Variants in NLGN4X observed in about 807,000 individuals in gnomAD.
The protein encoded by NLGN4X is neuroligin 4 X-linked.
In NLGN4X, 3 loss-of-function variants were observed where a neutral mutation model predicts 40.3. The observed-to-expected ratio is 0.07, with a 90% CI of 0.03 to 0.19. The LOEUF (loss-of-function observed/expected upper bound fraction) is 0.19, where lower values mean the gene tolerates loss of function less well. NLGN4X is among the 10% of genes least tolerant of loss of function. The pLI is 1.00. For missense variants in NLGN4X, 382 were observed against 708.3 expected (o/e 0.54, Z 5.23); for synonymous variants, 270 against 306.8 (o/e 0.88, Z 1.25).
chrX:6,183,100 AATC>A (rs972595310), intron 1 of NLGN4X, among the ~76,000 whole-genome samples: 1 of 112,215 alleles, frequency 8.9e-6, no homozygotes, highest in African/African-American at 3.2e-5. Flanking sequence ...ATCAGAAAGA[AATC>A]AATTGAAACG....
intron 2 of NLGN4X, among the ~76,000 whole-genome samples, chrX:6,080,327 T>A (rs1156333880): frequency 1.8e-5 from 2 of 111,590 alleles, no homozygotes; most frequent in Non-Finnish European, 3.8e-5. Flanking sequence ...AAGTGAACAG[T>A]CCTGACATTC....
At chrX:5,939,894 G>C (rs925815295) in intron 3 of NLGN4X, among the ~76,000 whole-genome samples, 1 of 111,771 alleles carries the variant, frequency 8.9e-6, no homozygotes, top group African/African-American at 3.2e-5. Context: ...TTTCTGCGTA[G>C]ATGTTAATTT....
intron 5 of NLGN4X, among the ~76,000 whole-genome samples, chrX:5,894,059 G>GCT (rs1251169709): frequency 8.9e-6 from 1 of 112,007 alleles, no homozygotes; most frequent in Admixed American, 9.4e-5. Flanking sequence ...GGACTGATTT[G>GCT]CTCCAAAGGG....
Position 5,890,809 on chromosome X carries a change from G to A in NLGN4X, c.*2008C>T, listed in dbSNP as rs1032331677. 3.3e-6 allele frequency: 1 copy of A among 303,926 alleles called. No homozygotes were observed. Among genetic ancestry groups the A allele is most frequent in the South Asian group, 3.1e-5 (1 of 32,563 alleles). 25.0% of individuals were successfully genotyped at this position (303,926 alleles called of 1,213,427 possible). ...CCAAGATAAGCAATAGGATTTGGGG[G>A]TGACTTGTACGCATTTCTAAAAACA... On this transcript the variant is annotated 3_prime_UTR_variant, in exon 6 of 6. Transcript: ENST00000381095.
intron 2 of NLGN4X, among the ~76,000 whole-genome samples, chrX:6,140,707 A>T (rs1353883223): frequency 9.3e-6 from 1 of 107,629 alleles, no homozygotes; most frequent in African/African-American, 3.4e-5. Context: ...CCCCTCAAGT[A>T]GCTGGGACTA....
chrX:6,088,307 T>C (rs971189008), intron 2 of NLGN4X, among the ~76,000 whole-genome samples: 2 of 112,243 alleles, frequency 1.8e-5, no homozygotes, highest in African/African-American at 6.5e-5. Flanking sequence ...GAAGCCATTT[T>C]TCATGGTCCA....
chrX:6,149,096 T>C (rs967597085), intron 2 of NLGN4X, among the ~76,000 whole-genome samples: 7 of 112,427 alleles, frequency 6.2e-5, no homozygotes, highest in Non-Finnish European at 1.3e-4. Context: ...GAAGTTTGGA[T>C]TACTTTTTCA....
intron 2 of NLGN4X, among the ~76,000 whole-genome samples, chrX:6,121,655 A>C (rs981130417): frequency 7.1e-5 from 8 of 112,425 alleles, no homozygotes. Context: ...TACTCCAGTC[A>C]CAGAATTTTC....
intron 2 of NLGN4X, among the ~76,000 whole-genome samples, chrX:6,042,730 T>TACATAC (rs1555956846): frequency 5.0e-5 from 1 of 20,149 alleles, no homozygotes; most frequent in Non-Finnish European, 9.1e-5. Context: ...TATATATATA[T>TACATAC]ACACACACAC....
At chrX:6,088,392 G>A (rs1177989137) in intron 2 of NLGN4X, among the ~76,000 whole-genome samples, 1 of 111,726 alleles carries the variant, frequency 9.0e-6, no homozygotes, top group Non-Finnish European at 1.9e-5. Context: ...TCTATCCTGG[G>A]AAACATCAGA....
chrX:5,934,550 A>T (rs2033670205), intron 3 of NLGN4X, among the ~76,000 whole-genome samples: 1 of 111,544 alleles, frequency 9.0e-6, no homozygotes, highest in South Asian at 3.8e-4. Context: ...ATGTTGTGAT[A>T]TATTCATCCC....
At chrX:5,910,789 G>A (rs2032441326) in intron 3 of NLGN4X, among the ~76,000 whole-genome samples, 1 of 111,203 alleles carries the variant, frequency 9.0e-6, no homozygotes, top group African/African-American at 3.3e-5. Flanking sequence ...GCCTGAATCG[G>A]GAGTCACTAT....
chrX:5,977,001 A>C (rs1284201309), intron 3 of NLGN4X, among the ~76,000 whole-genome samples: 1 of 111,191 alleles, frequency 9.0e-6, no homozygotes. Context: ...AAGGAATTTT[A>C]AAACAGATCT....
At chrX:5,933,557 A>G (rs1266962249) in intron 3 of NLGN4X, among the ~76,000 whole-genome samples, 2 of 112,107 alleles carry the variant, frequency 1.8e-5, no homozygotes, top group African/African-American at 6.5e-5. Context: ...TGGGAAAAAT[A>G]AACAGCATTC....
Position 6,091,050 on chromosome X carries a change from A to AAGGGAGGG in NLGN4X, c.472+59937_472+59944dup, listed in dbSNP as rs200150512. ...AAGGAAGGAAAAAATGGAAGGAAGG[A>AAGGGAGGG]AGGGAGGGAGGGAGGGAGGGAGCAA... On this transcript the variant is annotated intron_variant, in intron 2 of 5. Coordinates refer to ENST00000381095, the MANE Select transcript of NLGN4X (RefSeq NM_181332.3). Among the ~76,000 whole-genome samples the AAGGGAGGG allele has an allele frequency of 2.7e-3, 240 of 88,432 alleles. 2 individuals carry two copies. Among genetic ancestry groups the AAGGGAGGG allele is most frequent in the African/African-American group, 5.9e-3 (140 of 23,861 alleles). 76.8% of individuals were successfully genotyped at this position (88,432 alleles called of 115,157 possible).
intron 3 of NLGN4X, among the ~76,000 whole-genome samples, chrX:5,980,897 T>TA (rs2035367801): frequency 9.2e-6 from 1 of 108,341 alleles, no homozygotes; most frequent in South Asian, 3.7e-4. Flanking sequence ...GTATTTTCAT[T>TA]AAAATTTTAA....
At chrX:6,142,650 CT>C (rs946417678) in intron 2 of NLGN4X, among the ~76,000 whole-genome samples, 9 of 112,239 alleles carry the variant, frequency 8.0e-5, no homozygotes, top group Non-Finnish European at 1.7e-4. Context: ...TACAATTGGA[CT>C]TTGTGTGTCT....
At chrX:6,095,536 A>C (rs1242495613) in intron 2 of NLGN4X, among the ~76,000 whole-genome samples, 1 of 112,620 alleles carries the variant, frequency 8.9e-6, no homozygotes, top group Non-Finnish European at 1.9e-5. Context: ...TTATGATTTT[A>C]TTACATAATT....
At chrX:5,929,092 GA>G (rs113770786) in intron 3 of NLGN4X, among the ~76,000 whole-genome samples, 3 of 107,912 alleles carry the variant, frequency 2.8e-5, no homozygotes, top group East Asian at 2.9e-4. Flanking sequence ...TGTTCATTTT[GA>G]AAAAAAAATC....
Sources: allele counts gnomAD v4.1 joint callset (sites outside exome capture counted in the v4.1 genomes callset), GRCh38; gene constraint gnomAD v4.1.1; transcripts MANE v1.5; gene names NCBI Gene and HGNC (gene_info 2026-07-23, HGNC 2026-07-21).